Variants in GNG4 observed in about 807,000 individuals in gnomAD.
GNG4 encodes G protein subunit gamma 4.
A neutral mutation model predicts 5.8 loss-of-function variants in GNG4; 4 were observed. The observed-to-expected ratio is 0.69, with a 90% CI of 0.34 to 1.57. GNG4 has a LOEUF of 1.57. Ranked by LOEUF, GNG4 falls within the 40% of genes most tolerant of loss-of-function variation. The probability of loss-of-function intolerance (pLI) is 0.06; values close to 1 mark genes in which losing one functional copy is unlikely to be tolerated. For missense variants in GNG4, 96 were observed against 95.1 expected (o/e 1.01, Z -0.04); for synonymous variants, 29 against 32.9 (o/e 0.88, Z 0.41).
chr1:235,589,238 G>A (rs2774314), intron 2 of GNG4, among the ~76,000 whole-genome samples: 58,122 of 152,062 alleles, frequency 0.38, 11,878 homozygotes, highest in East Asian at 0.79. Flanking sequence ...GCATGCTGGC[G>A]CCCAGAGAAA....
At chr1:235,612,378 T>A (rs967075174) in intron 1 of GNG4, among the ~76,000 whole-genome samples, 1 of 152,092 alleles carries the variant, frequency 6.6e-6, no homozygotes, top group Admixed American at 6.6e-5. Flanking sequence ...CCCCATGTGA[T>A]GGTCATGGTG....
chr1:235,593,432 A>G (rs1688032127), intron 2 of GNG4, among the ~76,000 whole-genome samples: 1 of 152,174 alleles, frequency 6.6e-6, no homozygotes, highest in African/African-American at 2.4e-5. Flanking sequence ...CATCCTCCCC[A>G]ACTACGACTT....
At chr1:235,647,781 T>C (rs543985574) in intron 1 of GNG4, among the ~76,000 whole-genome samples, 12 of 152,302 alleles carry the variant, frequency 7.9e-5, no homozygotes, top group African/African-American at 2.9e-4. Context: ...ATTACAGGCG[T>C]GCACCACCAC....
At position 235,594,874 on chromosome 1, in the gene GNG4, T is replaced by A. The variant is rs181254624; in HGVS notation, c.-11+526A>T. 2.6e-5 allele frequency among the ~76,000 whole-genome samples: 4 copies of A among 152,202 alleles called. No homozygotes were observed. In the East Asian group the frequency reaches 7.7e-4, roughly 29 times the overall value. On this transcript the variant is annotated intron_variant, in intron 2 of 3. Transcript: ENST00000391854. Reference sequence around the variant, plus strand: ...AAGGGCTCCTCAAGTGCTGCCAAAGTGGGAGCCCAGGCAGAGGAGGCGCCG... The same window carrying A: ...AAGGGCTCCTCAAGTGCTGCCAAAGAGGGAGCCCAGGCAGAGGAGGCGCCG...
intron 1 of GNG4, among the ~76,000 whole-genome samples, chr1:235,610,466 G>C (rs1688456168): frequency 6.6e-6 from 1 of 152,094 alleles, no homozygotes; most frequent in Non-Finnish European, 1.5e-5. Flanking sequence ...GTCTAAACTT[G>C]TTCCTTATCA....
At chr1:235,568,882 A>G (rs1687269188) in intron 3 of GNG4, among the ~76,000 whole-genome samples, 1 of 144,524 alleles carries the variant, frequency 6.9e-6, no homozygotes, top group Admixed American at 7.2e-5. Context: ...GCTGGAGTGC[A>G]GTGGTGTGAT....
chr1:235,553,490 A>C (rs1686809719), intron 3 of GNG4, among the ~76,000 whole-genome samples: 1 of 152,196 alleles, frequency 6.6e-6, no homozygotes, highest in African/African-American at 2.4e-5. Context: ...TGAAGAAAAA[A>C]AATGTTTAGA....
At chr1:235,583,872 G>A (rs886357879) in intron 2 of GNG4, 24 bp from the exon 3 acceptor site, 3 of 1,460,684 alleles carry the variant, frequency 2.1e-6, no homozygotes, top group African/African-American at 1.4e-5. Context: ...AAGTAAAAGG[G>A]TTAGAAGAGC....
intron 3 of GNG4, among the ~76,000 whole-genome samples, chr1:235,576,747 G>A (rs1008459562): frequency 2.0e-5 from 3 of 152,082 alleles, no homozygotes; most frequent in South Asian, 2.1e-4. Context: ...GGGGATTCTC[G>A]ATAAATATTA....
At chr1:235,570,383 T>C (rs1687301620) in intron 3 of GNG4, among the ~76,000 whole-genome samples, 2 of 147,892 alleles carry the variant, frequency 1.4e-5, no homozygotes, top group South Asian at 4.2e-4. Context: ...AACTCGTTAG[T>C]TTCACCTCTT....
intron 3 of GNG4, among the ~76,000 whole-genome samples, chr1:235,576,485 G>A (rs1687487750): frequency 6.6e-6 from 1 of 152,138 alleles, no homozygotes; most frequent in African/African-American, 2.4e-5. Flanking sequence ...CATCTTTCAT[G>A]TGCTCTTTAT....
chr1:235,624,408 G>A (rs774990950), intron 1 of GNG4, among the ~76,000 whole-genome samples: 4 of 151,942 alleles, frequency 2.6e-5, no homozygotes, highest in Non-Finnish European at 5.9e-5. Flanking sequence ...CCCCGTGCCC[G>A]GCTGCCAATT....
chr1:235,617,459 C>T (rs1255018511), intron 1 of GNG4, among the ~76,000 whole-genome samples: 2 of 152,108 alleles, frequency 1.3e-5, no homozygotes, highest in Admixed American at 6.5e-5. Context: ...TCCAGGTGAG[C>T]TAATGTGGAG....
chr1:235,640,547 A>C (rs1237590127), intron 1 of GNG4, among the ~76,000 whole-genome samples: 1 of 152,268 alleles, frequency 6.6e-6, no homozygotes, highest in African/African-American at 2.4e-5. Context: ...AAACAGAAGA[A>C]AGGATACACA....
intron 1 of GNG4, among the ~76,000 whole-genome samples, chr1:235,612,856 C>G (rs886306306): frequency 6.6e-6 from 1 of 152,146 alleles, no homozygotes; most frequent in Middle Eastern, 3.2e-3. Context: ...TTTATTCTCA[C>G]AGTTCCCTGA....
At chr1:235,569,457 CA>C (rs10660622) in intron 3 of GNG4, among the ~76,000 whole-genome samples, 63 of 139,876 alleles carry the variant, frequency 4.5e-4, no homozygotes, top group Non-Finnish European at 4.3e-4. Context: ...GACCGTGTCT[CA>C]AAAAAAAAAA....
intron 1 of GNG4, among the ~76,000 whole-genome samples, chr1:235,631,869 GT>G (rs1300435104): frequency 6.6e-6 from 1 of 151,926 alleles, no homozygotes; most frequent in African/African-American, 2.4e-5. Flanking sequence ...CGCCTGGCCA[GT>G]TTTTTCTAAT....
At chr1:235,617,512 C>A (rs1457969987) in intron 1 of GNG4, among the ~76,000 whole-genome samples, 1 of 152,196 alleles carries the variant, frequency 6.6e-6, no homozygotes. Flanking sequence ...TCAACACTGA[C>A]AGAATGGAAG....
intron 3 of GNG4, among the ~76,000 whole-genome samples, chr1:235,564,806 C>T (rs1687153036): frequency 6.6e-6 from 1 of 152,124 alleles, no homozygotes; most frequent in Non-Finnish European, 1.5e-5. Flanking sequence ...CTGCCTCAGC[C>T]CCCCGAGTAG....
Sources: gnomAD v4.1 joint callset for allele counts (sites outside exome capture counted in the v4.1 genomes callset) on GRCh38, gnomAD v4.1.1 for gene constraint, MANE v1.5 for transcripts, NCBI Gene and HGNC (gene_info 2026-07-23, HGNC 2026-07-21) for gene names.